The following FOXP1 variants were observed in gnomAD, a reference collection of about 807,000 sequenced individuals.
The protein encoded by FOXP1 is forkhead box P1.
In FOXP1, 15 loss-of-function variants were observed where a neutral mutation model predicts 98.2. That is an observed-to-expected ratio of 0.15 (90% CI 0.10 to 0.24). The LOEUF is 0.24. Ranked by LOEUF, FOXP1 falls within the 10% of genes least tolerant of loss-of-function variation. FOXP1 has a pLI of 1.00. For missense variants in FOXP1, 633 were observed against 848.5 expected (o/e 0.75, Z 3.15); for synonymous variants, 371 against 314.5 (o/e 1.18, Z -1.90).
intron 2 of FOXP1, chr3:71,580,953 T>C: frequency 2.0e-6 from 2 of 985,404 alleles, no homozygotes; most frequent in East Asian, 1.1e-4. Flanking sequence ...TGAGCAGACA[T>C]GAGCGCAATT....
intron 6 of FOXP1, among the ~76,000 whole-genome samples, chr3:71,114,762 G>T (rs2058228052): frequency 1.3e-5 from 2 of 152,132 alleles, no homozygotes; most frequent in Non-Finnish European, 2.9e-5. Context: ...TGTCTGAGTG[G>T]GGCATCTGGA....
At chr3:70,997,490 A>C (rs778507346) in intron 13 of FOXP1, among the ~76,000 whole-genome samples, 1 of 152,176 alleles carries the variant, frequency 6.6e-6, no homozygotes, top group Non-Finnish European at 1.5e-5. Context: ...ATCCTTGGTT[A>C]AGGCTTCTCT....
At chr3:71,328,502 C>T (rs1291198324) in intron 4 of FOXP1, among the ~76,000 whole-genome samples, 1 of 152,174 alleles carries the variant, frequency 6.6e-6, no homozygotes, top group African/African-American at 2.4e-5. Context: ...CAAAGAGGGA[C>T]TTCATGCCTC....
chr3:71,446,827 G>A (rs1031531797), intron 3 of FOXP1, among the ~76,000 whole-genome samples: 6 of 152,346 alleles, frequency 3.9e-5, no homozygotes, highest in Admixed American at 3.9e-4. Flanking sequence ...TCCTCAGCAG[G>A]AGTAAGTGTC....
chr3:71,189,998 T>C (rs1400830157), intron 6 of FOXP1, among the ~76,000 whole-genome samples: 1 of 152,242 alleles, frequency 6.6e-6, no homozygotes, highest in African/African-American at 2.4e-5. Flanking sequence ...TTACTAAATG[T>C]CAGACCAACT....
intron 6 of FOXP1, chr3:71,130,676 T>A: frequency 6.3e-7 from 1 of 1,587,130 alleles, no homozygotes; most frequent in East Asian, 2.2e-5. Flanking sequence ...GAAAACACAC[T>A]GGAACATTGC....
chr3:71,005,350 A>G (rs980641659), intron 12 of FOXP1, among the ~76,000 whole-genome samples: 3 of 149,154 alleles, frequency 2.0e-5, no homozygotes, highest in African/African-American at 4.9e-5. Context: ...AACCAGAATC[A>G]TAAGGAGTGC....
intron 11 of FOXP1, among the ~76,000 whole-genome samples, chr3:71,033,922 G>A (rs1187046240): frequency 1.3e-5 from 2 of 152,310 alleles, no homozygotes; most frequent in South Asian, 2.1e-4. Context: ...TTTGCCCTAA[G>A]TAGGTTACCT....
chr3:71,351,049 T>A (rs1432921468), intron 4 of FOXP1, among the ~76,000 whole-genome samples: 4 of 152,120 alleles, frequency 2.6e-5, no homozygotes, highest in Admixed American at 2.0e-4. Flanking sequence ...AAGATCCAGA[T>A]TCCATGACAG....
At chr3:71,330,142 C>T (rs1298698385) in intron 4 of FOXP1, among the ~76,000 whole-genome samples, 1 of 152,182 alleles carries the variant, frequency 6.6e-6, no homozygotes, top group Non-Finnish European at 1.5e-5. Context: ...CTGAAGCACA[C>T]AATATCACTT....
intron 6 of FOXP1, among the ~76,000 whole-genome samples, chr3:71,182,299 C>T (rs1414604928): frequency 6.6e-6 from 1 of 151,918 alleles, no homozygotes; most frequent in Non-Finnish European, 1.5e-5. Context: ...AATTGTATTC[C>T]CTTATTCCTA....
At chr3:71,564,670 T>C (rs1254131521) in intron 2 of FOXP1, among the ~76,000 whole-genome samples, 1 of 152,242 alleles carries the variant, frequency 6.6e-6, no homozygotes, top group African/African-American at 2.4e-5. Flanking sequence ...TTAGCAACAC[T>C]CTTTATCCCT....
At chr3:71,134,441 TTAGA>T (rs1438339605) in intron 6 of FOXP1, among the ~76,000 whole-genome samples, 1 of 151,982 alleles carries the variant, frequency 6.6e-6, no homozygotes, top group Non-Finnish European at 1.5e-5. Flanking sequence ...AGGGGAAGTG[TTAGA>T]TAGGTATTGA....
chr3:71,144,478 C>A (rs1441080409), intron 6 of FOXP1, among the ~76,000 whole-genome samples: 2 of 152,146 alleles, frequency 1.3e-5, no homozygotes, highest in Non-Finnish European at 2.9e-5. Context: ...CACACCTGAG[C>A]TGTAAAGAAA....
intron 4 of FOXP1, among the ~76,000 whole-genome samples, chr3:71,306,328 C>T (rs1401976501): frequency 6.6e-6 from 1 of 151,998 alleles, no homozygotes; most frequent in African/African-American, 2.4e-5. Context: ...GTTGTATCTC[C>T]AGCTACTCCA....
chr3:71,426,934 G>A (rs1386290931), intron 3 of FOXP1, among the ~76,000 whole-genome samples: 3 of 151,884 alleles, frequency 2.0e-5, no homozygotes, highest in Admixed American at 2.0e-4. Flanking sequence ...GGTGGTACAT[G>A]CCTGTAATCC....
intron 2 of FOXP1, among the ~76,000 whole-genome samples, chr3:71,555,349 G>C (rs2046050664): frequency 6.6e-6 from 1 of 152,184 alleles, no homozygotes; most frequent in African/African-American, 2.4e-5. Flanking sequence ...GGTGTGCACA[G>C]AAAGGGTTAG....
intron 2 of FOXP1, among the ~76,000 whole-genome samples, chr3:71,542,679 C>A (rs902459245): frequency 2.0e-5 from 3 of 152,208 alleles, no homozygotes; most frequent in African/African-American, 7.2e-5. Flanking sequence ...GGCAGACACA[C>A]AGAGGAGAGT....
chr3:71,213,527 A>C (rs1317519895), intron 5 of FOXP1, among the ~76,000 whole-genome samples: 1 of 152,196 alleles, frequency 6.6e-6, no homozygotes, highest in Non-Finnish European at 1.5e-5. Flanking sequence ...CAAATGCAGC[A>C]TACACATGGC....
Sources: gnomAD v4.1 joint callset for allele counts (sites outside exome capture counted in the v4.1 genomes callset) on GRCh38, gnomAD v4.1.1 for gene constraint, MANE v1.5 for transcripts, NCBI Gene and HGNC (gene_info 2026-07-23, HGNC 2026-07-21) for gene names.